MLYCD: variants seen among roughly 807,000 people sequenced by gnomAD.
MLYCD encodes the protein malonyl-CoA decarboxylase.
Under a neutral mutation model 35.8 loss-of-function variants are expected in MLYCD, and 27 were observed. The observed-to-expected ratio is 0.75, with a 90% CI of 0.56 to 1.04. The LOEUF is 1.04. Ranked by LOEUF, MLYCD falls within the 50% of genes least tolerant of loss-of-function variation. MLYCD has a pLI of 0.00. For missense variants in MLYCD, 917 were observed against 665.1 expected (o/e 1.38, Z -4.17); for synonymous variants, 403 against 302.4 (o/e 1.33, Z -3.45).
chr16:83,918,237 G>C lies in MLYCD; in HGVS notation c.*2748G>C, dbSNP rs1907499395. ...ACAGATCACTGAAATTCTGGTGAAA[G>C]CCAGGTAGGCCTCGCCGCAGGAGAA... On this transcript the variant is annotated 3_prime_UTR_variant, in exon 5 of 5. Coordinates refer to ENST00000262430, the MANE Select transcript of MLYCD (RefSeq NM_012213.3). 1 of 152,258 alleles carries C rather than the reference G, an allele frequency of 6.6e-6. No homozygotes were observed. Among genetic ancestry groups the C allele is most frequent in the Non-Finnish European group, 1.5e-5 (1 of 68,042 alleles). The allele number at this position is 152,258 out of a possible 1,614,324, so 9.4% of individuals were successfully genotyped here. A position where few individuals can be genotyped will look rare whatever the true frequency, so the allele number is the denominator to read the frequency against.
chr16:83,902,752 C>T (rs893786587), intron 1 of MLYCD, among the ~76,000 whole-genome samples: 8 of 152,156 alleles, frequency 5.3e-5, no homozygotes, highest in East Asian at 1.9e-4. Context: ...ATGATCCGCC[C>T]GCCTTGGCCT....
chr16:83,902,962 C>G (rs1374314729), intron 1 of MLYCD, among the ~76,000 whole-genome samples: 1 of 151,954 alleles, frequency 6.6e-6, no homozygotes, highest in African/African-American at 2.4e-5. Context: ...TGTGATGTGT[C>G]TGGGGGATGG....
chr16:83,908,138 G>A lies in MLYCD; in HGVS notation c.654G>A (p.Val218=). The A allele has an allele frequency of 6.2e-7, 1 of 1,614,240 alleles. No homozygotes were observed. The highest frequency in any genetic ancestry group is 8.5e-7 in the Non-Finnish European group (1 of 1,180,030). The change falls in exon 3 of 5, where the codon GTG becomes GTA. Residue 218 remains valine, a synonymous_variant. Transcript: ENST00000262430. ...VLQKISEAEA[V]HPVKNWMDMK... Reference sequence around the variant, plus strand: ...AATTCCGCCCCAGGGCTGAGGCTGTGCATCCTGTAAAAAACTGGATGGACA... The same window carrying A: ...AATTCCGCCCCAGGGCTGAGGCTGTACATCCTGTAAAAAACTGGATGGACA...
chr16:83,906,803 C>T (rs1906992873), intron 1 of MLYCD, among the ~76,000 whole-genome samples, 184 bp from the exon 2 acceptor site: 1 of 152,160 alleles, frequency 6.6e-6, no homozygotes, highest in Admixed American at 6.5e-5. Context: ...GAAAGAAAGC[C>T]TGACTTGGTT....
intron 1 of MLYCD, among the ~76,000 whole-genome samples, chr16:83,905,596 C>A (rs894925071): frequency 6.6e-6 from 1 of 152,184 alleles, no homozygotes; most frequent in Non-Finnish European, 1.5e-5. Flanking sequence ...GCTCCAATGC[C>A]AGCCATCACA....
At chr16:83,899,951 T>A (rs1265929484) in intron 1 of MLYCD, among the ~76,000 whole-genome samples, 1 of 152,216 alleles carries the variant, frequency 6.6e-6, no homozygotes, top group Non-Finnish European at 1.5e-5. Flanking sequence ...AAGGTAGCTG[T>A]CACCTCTCGT....
chr16:83,903,991 G>C (rs1316796798), intron 1 of MLYCD, among the ~76,000 whole-genome samples: 1 of 152,148 alleles, frequency 6.6e-6, no homozygotes, highest in Non-Finnish European at 1.5e-5. Flanking sequence ...AGCTGCTGCC[G>C]GTGTTAGAAC....
At chr16:83,905,132 A>G (rs1213803241) in intron 1 of MLYCD, among the ~76,000 whole-genome samples, 1 of 152,070 alleles carries the variant, frequency 6.6e-6, no homozygotes, top group Non-Finnish European at 1.5e-5. Context: ...CTGAGACAGG[A>G]GAATCGCTTG....
chr16:83,901,524 C>T (rs894820766), intron 1 of MLYCD, among the ~76,000 whole-genome samples: 3 of 152,168 alleles, frequency 2.0e-5, no homozygotes, highest in Admixed American at 1.3e-4. Context: ...AAGGTTTCTG[C>T]CCAGCTGAGA....
At position 83,916,389 on chromosome 16, in the gene MLYCD, C is replaced by T. The variant is rs748898838; in HGVS notation, c.*900C>T. 5.8e-6 allele frequency: 1 copy of T among 171,596 alleles called. No individual in the cohort carries two copies. Among genetic ancestry groups the T allele is most frequent in the Non-Finnish European group, 1.2e-5 (1 of 85,542 alleles). The allele number at this position is 171,596 out of a possible 1,614,324, so 10.6% of individuals were successfully genotyped here. ...GTGTGTATCAGTGCACATCTGTGTG[C>T]ATGTGCACGAGCGTCTCTGTGTGGA... On this transcript the variant is annotated 3_prime_UTR_variant, in exon 5 of 5. Transcript: ENST00000262430.
At position 83,912,033 on chromosome 16, in the gene MLYCD, C is replaced by G. The variant is rs566426401; in HGVS notation, c.799-185C>G. 8.5e-5 allele frequency: 68 copies of G among 795,566 alleles called. No homozygotes were observed. In the South Asian group the frequency reaches 1.0e-3, roughly 12 times the overall value. The allele number at this position is 795,566 out of a possible 1,614,324, so 49.3% of individuals were successfully genotyped here. ...CCCCAGGCACGCGGTGGAGTCGCCT[C>G]CTCCAGAGAGTTTTCAAAACAGAGC... On this transcript the variant is annotated intron_variant, in intron 3 of 4. Transcript: ENST00000262430.
Position 83,923,751 on chromosome 16 carries a change from G to C in MLYCD, c.*8262G>C, listed in dbSNP as rs2151064013. 6.6e-6 allele frequency: 1 copy of C among 152,564 alleles called. No individual in the cohort carries two copies. Among genetic ancestry groups the C allele is most frequent in the South Asian group, 2.1e-4 (1 of 4,826 alleles). 9.5% of individuals were successfully genotyped at this position (152,564 alleles called of 1,614,324 possible). A position where few individuals can be genotyped will look rare whatever the true frequency, so the allele number is the denominator to read the frequency against. ...CAAACCCAGGCCCGACCACCACCCA[G>C]CTCTCCTTCCACCGCACTGGTCCAC... On this transcript the variant is annotated 3_prime_UTR_variant, in exon 5 of 5. Transcript: ENST00000262430.
At chr16:83,905,878 G>C (rs1298065918) in intron 1 of MLYCD, among the ~76,000 whole-genome samples, 1 of 152,222 alleles carries the variant, frequency 6.6e-6, no homozygotes, top group Non-Finnish European at 1.5e-5. Flanking sequence ...GCAGCACCGA[G>C]GCGACGCTGC....
At position 83,926,888 on chromosome 16, in the gene MLYCD, A is replaced by C. The variant is rs2151065255; in HGVS notation, c.*11399A>C. 1 of 152,336 alleles carries C rather than the reference A, an allele frequency of 6.6e-6. No homozygotes were observed. The highest frequency in any genetic ancestry group is 2.4e-5 in the African/African-American group (1 of 41,578). The allele number at this position is 152,336 out of a possible 1,614,324, so 9.4% of individuals were successfully genotyped here. On this transcript the variant is annotated 3_prime_UTR_variant, in exon 5 of 5. Transcript: ENST00000262430. The stretch of plus-strand genomic sequence containing the variant: ...TCCTCTGCTCTGCGCTTGGGCGCTG[A>C]ATGTTAAAATTCCTAACAGGTGAAT...
In MLYCD at chr16:83,915,736, G is replaced by A; in HGVS notation, c.*247G>A. On this transcript the variant is annotated 3_prime_UTR_variant, in exon 5 of 5. Transcript: ENST00000262430. ...TGAGTGGGTTGCTGTGCTGTCTCCG[G>A]AAGATTCTGTCGTTGCCCTTGGCCT... 1 of 1,388,148 alleles carries A rather than the reference G, an allele frequency of 7.2e-7. No homozygotes were observed. The highest frequency in any genetic ancestry group is 9.4e-7 in the Non-Finnish European group (1 of 1,067,870). 86.0% of individuals were successfully genotyped at this position (1,388,148 alleles called of 1,614,324 possible). A position where few individuals can be genotyped will look rare whatever the true frequency, so the allele number is the denominator to read the frequency against.
At position 83,918,148 on chromosome 16, in the gene MLYCD, G is replaced by A. The variant is rs1002464169; in HGVS notation, c.*2659G>A. The A allele has an allele frequency of 6.6e-6, 1 of 152,170 alleles. No individual in the cohort carries two copies. The highest frequency in any genetic ancestry group is 1.5e-5 in the Non-Finnish European group (1 of 68,036). The allele number at this position is 152,170 out of a possible 1,614,324, so 9.4% of individuals were successfully genotyped here. Reference sequence around the variant, plus strand: ...CTCATCACATCACGTTACTCTTTAGGTCAAATGTAACCCTCCCGGTTTTAT... The same window carrying A: ...CTCATCACATCACGTTACTCTTTAGATCAAATGTAACCCTCCCGGTTTTAT... On this transcript the variant is annotated 3_prime_UTR_variant, in exon 5 of 5. Coordinates refer to ENST00000262430, the MANE Select transcript of MLYCD (RefSeq NM_012213.3).
At chr16:83,909,997 A>G (rs1438864717) in intron 3 of MLYCD, among the ~76,000 whole-genome samples, 1 of 152,062 alleles carries the variant, frequency 6.6e-6, no homozygotes, top group African/African-American at 2.4e-5. Context: ...ACCCATGATC[A>G]TCGAGCAAGT....
At chr16:83,912,856 G>C (rs182369566) in intron 4 of MLYCD, 4 of 222,744 alleles carry the variant, frequency 1.8e-5, no homozygotes, top group Non-Finnish European at 2.7e-5. Flanking sequence ...GCTGAGGTGA[G>C]ACCAGACAGC....
rs917179410 is a variant in MLYCD at position 83,924,370 on chromosome 16, C to T, written c.*8881C>T. The T allele has an allele frequency of 2.6e-5, 4 of 152,264 alleles. No individual in the cohort carries two copies. The highest frequency in any genetic ancestry group is 5.9e-5 in the Non-Finnish European group (4 of 68,138). The allele number at this position is 152,264 out of a possible 1,614,324, so 9.4% of individuals were successfully genotyped here. A position where few individuals can be genotyped will look rare whatever the true frequency, so the allele number is the denominator to read the frequency against. On this transcript the variant is annotated 3_prime_UTR_variant, in exon 5 of 5. Transcript: ENST00000262430. ...TGTTGACGAGGGGAGATGAGTGGCC[C>T]AGGCAGTTCCTAGAGCGGGGGAGAT...
Sources: gnomAD v4.1 joint callset for allele counts (sites outside exome capture counted in the v4.1 genomes callset) on GRCh38, gnomAD v4.1.1 for gene constraint, MANE v1.5 for transcripts, NCBI Gene and HGNC (gene_info 2026-07-23, HGNC 2026-07-21) for gene names.